The following FAT3 variants were observed in gnomAD, a reference collection of about 807,000 sequenced individuals.
The protein encoded by FAT3 is protocadherin Fat 3.
Under a neutral mutation model 310.2 loss-of-function variants are expected in FAT3, and 95 were observed. The observed-to-expected ratio is 0.31, with a 90% confidence interval of 0.26 to 0.36. The LOEUF is 0.36. Ranked by LOEUF, FAT3 falls within the 10% of genes least tolerant of loss-of-function variation. The pLI is 1.00. For missense variants in FAT3, 5,408 were observed against 5,715.6 expected, an observed-to-expected ratio of 0.95 and a Z score of 1.74; for synonymous variants, 2,314 against 2,192.9, an observed-to-expected ratio of 1.06 and a Z score of -1.54.
At chr11:92,625,334 G>C (rs2135682093) in intron 3 of FAT3, among the ~76,000 whole-genome samples, 1 of 152,222 alleles carries the variant, frequency 6.6e-6, no homozygotes, top group African/African-American at 2.4e-5. Context: ...TGGAGGAGTG[G>C]GGCTCTGAAG....
intron 21 of FAT3, among the ~76,000 whole-genome samples, chr11:92,863,276 C>T (rs916439894): frequency 4.6e-5 from 7 of 152,098 alleles, no homozygotes; most frequent in Non-Finnish European, 1.0e-4. Flanking sequence ...AAAACATCCC[C>T]TTTTCAAAGA....
intron 3 of FAT3, among the ~76,000 whole-genome samples, chr11:92,655,168 G>A (rs1375110651): frequency 6.6e-6 from 1 of 152,068 alleles, no homozygotes; most frequent in East Asian, 1.9e-4. Context: ...TTATCATGTG[G>A]CATTCTCCTT....
At chr11:92,444,410 C>T (rs1328089941) in intron 2 of FAT3, among the ~76,000 whole-genome samples, 1 of 152,120 alleles carries the variant, frequency 6.6e-6, no homozygotes, top group African/African-American at 2.4e-5. Context: ...CACCTTTTCT[C>T]AACAAATGTG....
At chr11:92,594,253 G>A (rs748795879) in intron 3 of FAT3, among the ~76,000 whole-genome samples, 28 of 152,248 alleles carry the variant, frequency 1.8e-4, no homozygotes, top group Non-Finnish European at 3.8e-4. Context: ...GAGCAGCCTG[G>A]GCAACATGGA....
Position 92,445,815 on chromosome 11 carries a change from A to G in FAT3, c.3293-78819A>G, listed in dbSNP as rs186367253. Among the ~76,000 whole-genome samples, 61 of 152,196 alleles carry G rather than the reference A, an allele frequency of 4.0e-4. No homozygotes were observed. The East Asian group carries it at 9.3e-3, about 23-fold the overall frequency. ...CTTTTTTTCTTTATTATTCTCTTCA[A>G]TGATGAGAGTGTTCAGGACACTGGG... On this transcript the variant is annotated intron_variant, in intron 2 of 27. Coordinates refer to ENST00000525166, the MANE Select transcript of FAT3 (RefSeq NM_001367949.2).
chr11:92,325,783 C>T (rs900803884), intron 1 of FAT3, among the ~76,000 whole-genome samples: 1 of 152,160 alleles, frequency 6.6e-6, no homozygotes, highest in African/African-American at 2.4e-5. Context: ...AGGCATGCAT[C>T]ACCACGCCCA....
chr11:92,885,238 C>T (rs978960600), intron 24 of FAT3, among the ~76,000 whole-genome samples: 24 of 152,266 alleles, frequency 1.6e-4, no homozygotes, highest in African/African-American at 5.5e-4. Context: ...AAGCACACTG[C>T]TGTGTGTTGC....
chr11:92,347,633 T>C (rs1948453076), intron 1 of FAT3, among the ~76,000 whole-genome samples: 1 of 152,026 alleles, frequency 6.6e-6, no homozygotes, highest in Non-Finnish European at 1.5e-5. Context: ...TATTCATCCA[T>C]GGAAAGAAAA....
chr11:92,473,698 G>A (rs1272454671), intron 2 of FAT3, among the ~76,000 whole-genome samples: 1 of 152,146 alleles, frequency 6.6e-6, no homozygotes, highest in Non-Finnish European at 1.5e-5. Context: ...TAAAGCCAGG[G>A]TCCCAATCAC....
At chr11:92,710,506 G>T (rs1395574703) in intron 4 of FAT3, among the ~76,000 whole-genome samples, 1 of 152,148 alleles carries the variant, frequency 6.6e-6, no homozygotes, top group Non-Finnish European at 1.5e-5. Context: ...AGCCTTGTTG[G>T]CAGGGAGACA....
intron 4 of FAT3, among the ~76,000 whole-genome samples, chr11:92,719,347 T>A (rs973062051): frequency 1.3e-5 from 2 of 152,194 alleles, no homozygotes; most frequent in African/African-American, 4.8e-5. Flanking sequence ...AGTTCTTGTC[T>A]TTTTATCTTT....
intron 6 of FAT3, among the ~76,000 whole-genome samples, chr11:92,766,287 A>G (rs1050105722): frequency 6.6e-6 from 1 of 152,158 alleles, no homozygotes; most frequent in African/African-American, 2.4e-5. Context: ...GTGTCGCCCA[A>G]TCCGACACTG....
chr11:92,393,738 T>C (rs12803785), intron 2 of FAT3, among the ~76,000 whole-genome samples: 18,169 of 152,258 alleles, frequency 0.12, 1,117 homozygotes, highest in South Asian at 0.18. Context: ...AGACCTAATC[T>C]ACTGGCTCGT....
intron 6 of FAT3, 151 bp from the exon 7 acceptor site, chr11:92,773,890 A>G: frequency 3.0e-6 from 2 of 666,824 alleles, no homozygotes; most frequent in East Asian, 2.7e-5. Context: ...AGTTAGAAAT[A>G]AAGAGGTCCC....
Position 92,459,445 on chromosome 11 carries a change from G to A in FAT3, c.3293-65189G>A, listed in dbSNP as rs1006627287. 6.6e-5 allele frequency among the ~76,000 whole-genome samples: 10 copies of A among 152,066 alleles called. No individual in the cohort carries two copies. In the South Asian group the frequency reaches 1.0e-3, roughly 16 times the overall value. On this transcript the variant is annotated intron_variant, in intron 2 of 27. Coordinates refer to ENST00000525166, the MANE Select transcript of FAT3 (RefSeq NM_001367949.2). Reference sequence around the variant, plus strand: ...CTTTGTAGCTTGGGTAAATCTCAACGTATCTCTGAGCCTAACAGTCCACTT... The same window carrying A: ...CTTTGTAGCTTGGGTAAATCTCAACATATCTCTGAGCCTAACAGTCCACTT...
intron 3 of FAT3, among the ~76,000 whole-genome samples, chr11:92,594,081 C>T (rs111276696): frequency 1.1e-4 from 16 of 152,238 alleles, no homozygotes; most frequent in African/African-American, 3.4e-4. Flanking sequence ...AGAGTCAGGA[C>T]TTAAGGGGCT....
At chr11:92,270,887 C>T (rs1201464097) in intron 1 of FAT3, among the ~76,000 whole-genome samples, 5 of 152,032 alleles carry the variant, frequency 3.3e-5, no homozygotes, top group African/African-American at 7.2e-5. Flanking sequence ...CATCCAATTT[C>T]TTAGGACCCA....
chr11:92,872,579 T>G (rs1949415555), intron 22 of FAT3, among the ~76,000 whole-genome samples: 1 of 152,198 alleles, frequency 6.6e-6, no homozygotes, highest in South Asian at 2.1e-4. Flanking sequence ...GCATTAATAA[T>G]TATAGACACT....
At chr11:92,478,707 C>A (rs1952115111) in intron 2 of FAT3, among the ~76,000 whole-genome samples, 1 of 152,016 alleles carries the variant, frequency 6.6e-6, no homozygotes, top group East Asian at 1.9e-4. Flanking sequence ...ACCTCTGCCT[C>A]CTGGGTTCAA....
Sources: gnomAD v4.1 joint callset for allele counts (sites outside exome capture counted in the v4.1 genomes callset) on GRCh38, gnomAD v4.1.1 for gene constraint, MANE v1.5 for transcripts, NCBI Gene and HGNC (gene_info 2026-07-23, HGNC 2026-07-21) for gene names.